CNTNAP5: variants seen among roughly 807,000 people sequenced by gnomAD.
CNTNAP5 encodes contactin associated protein family member 5.
CNTNAP5 carries 72 observed loss-of-function variants against 150.2 expected under a neutral mutation model. That is an observed-to-expected ratio of 0.48 (90% CI 0.40 to 0.58). CNTNAP5 has a LOEUF of 0.58. CNTNAP5 is among the 20% of genes least tolerant of loss of function. CNTNAP5 has a pLI of 0.00. For synonymous variants in CNTNAP5, 672 were observed against 619.8 expected, an observed-to-expected ratio of 1.08 and a Z score of -1.25; for missense variants, 1,636 against 1,626.2, an observed-to-expected ratio of 1.01 and a Z score of -0.10.
intron 10 of CNTNAP5, among the ~76,000 whole-genome samples, chr2:124,556,659 G>T (rs1232005344): frequency 6.6e-6 from 1 of 152,060 alleles, no homozygotes; most frequent in Non-Finnish European, 1.5e-5. Context: ...ATCGGGGTGG[G>T]GTGATAAGTG....
At chr2:124,652,649 A>C (rs373494459) in intron 13 of CNTNAP5, among the ~76,000 whole-genome samples, 19 of 152,320 alleles carry the variant, frequency 1.2e-4, no homozygotes, top group East Asian at 3.9e-4. Context: ...GGGGTATAGC[A>C]AGTGACCGCA....
chr2:124,434,433 G>A, intron 4 of CNTNAP5, 51 bp from the exon 5 acceptor site: 1 of 1,338,000 alleles, frequency 7.5e-7, no homozygotes, highest in Non-Finnish European at 1.1e-6. Flanking sequence ...AGTAACAGCA[G>A]TCATGAGAAT....
rs557699625 is a variant in CNTNAP5 at position 124,206,187 on chromosome 2, T to A, written c.83-15518T>A. On this transcript the variant is annotated intron_variant, in intron 1 of 23. Transcript: ENST00000682447. ...GGGCCTTGGGCAGAGCTAGTGCCAA[T>A]CCCAGCACTGTGACCTTGAGCAAGT... 8.5e-5 allele frequency among the ~76,000 whole-genome samples: 13 copies of A among 152,178 alleles called. No individual in the cohort carries two copies. The South Asian group carries it at 1.9e-3, about 22-fold the overall frequency.
At chr2:124,647,613 A>G in intron 12 of CNTNAP5, 145 bp from the exon 13 acceptor site, 1 of 658,964 alleles carries the variant, frequency 1.5e-6, no homozygotes, top group Non-Finnish European at 2.4e-6. Context: ...CTCCATGGGG[A>G]AACACAATTT....
At position 124,057,597 on chromosome 2, in the gene CNTNAP5, C is replaced by A. The variant is rs147496625; in HGVS notation, c.82+31865C>A. 2.4e-3 allele frequency among the ~76,000 whole-genome samples: 368 copies of A among 151,702 alleles called. 1 individual carries two copies. Among genetic ancestry groups the A allele is most frequent in the African/African-American group, 8.3e-3 (345 of 41,348 alleles). On this transcript the variant is annotated intron_variant, in intron 1 of 23. Transcript: ENST00000682447. Reference sequence around the variant, plus strand: ...GAGCCACCGCTCCTGGCCAACAAGTCCATTCTTAATTCATAGATATATTAC... The same window carrying A: ...GAGCCACCGCTCCTGGCCAACAAGTACATTCTTAATTCATAGATATATTAC...
intron 1 of CNTNAP5, among the ~76,000 whole-genome samples, chr2:124,083,156 T>A (rs1226958315): frequency 6.6e-6 from 1 of 152,186 alleles, no homozygotes; most frequent in Admixed American, 6.5e-5. Context: ...AAGACCAGTC[T>A]GACCAACATG....
chr2:124,527,911 G>T (rs1426018400), intron 10 of CNTNAP5, among the ~76,000 whole-genome samples: 1 of 152,118 alleles, frequency 6.6e-6, no homozygotes, highest in Non-Finnish European at 1.5e-5. Context: ...CTACTCCTGG[G>T]TTTGGCTGGT....
At chr2:124,729,806 T>A (rs1022294015) in intron 13 of CNTNAP5, among the ~76,000 whole-genome samples, 2 of 152,160 alleles carry the variant, frequency 1.3e-5, no homozygotes, top group Admixed American at 6.6e-5. Flanking sequence ...TCTTAGATAC[T>A]GCTTGAATTA....
At chr2:124,175,345 GAATT>G (rs1472764290) in intron 1 of CNTNAP5, among the ~76,000 whole-genome samples, 2 of 152,064 alleles carry the variant, frequency 1.3e-5, no homozygotes, top group African/African-American at 4.8e-5. Flanking sequence ...AAGTTTGATT[GAATT>G]AATTAATTTA....
At chr2:124,317,214 G>C (rs1442133158) in intron 3 of CNTNAP5, among the ~76,000 whole-genome samples, 3 of 152,098 alleles carry the variant, frequency 2.0e-5, no homozygotes, top group Non-Finnish European at 4.4e-5. Flanking sequence ...GGTCAGATTT[G>C]ACAACCCAAT....
At chr2:124,327,423 C>T (rs1689246932) in intron 3 of CNTNAP5, among the ~76,000 whole-genome samples, 2 of 152,162 alleles carry the variant, frequency 1.3e-5, no homozygotes, top group Admixed American at 1.3e-4. Context: ...ATTCCAAGGT[C>T]AACCTGAAAA....
intron 3 of CNTNAP5, among the ~76,000 whole-genome samples, chr2:124,370,626 C>T (rs72964701): frequency 1.4e-4 from 21 of 152,082 alleles, no homozygotes; most frequent in Non-Finnish European, 2.5e-4. Context: ...ATAATGAATA[C>T]GAAGTACAAA....
intron 3 of CNTNAP5, among the ~76,000 whole-genome samples, chr2:124,379,119 G>T: frequency 6.6e-6 from 1 of 151,240 alleles, no homozygotes; most frequent in East Asian, 1.9e-4. Context: ...CCAGACTGAG[G>T]TACCTTTTTT....
At chr2:124,420,695 C>A (rs1185478327) in intron 4 of CNTNAP5, among the ~76,000 whole-genome samples, 1 of 152,042 alleles carries the variant, frequency 6.6e-6, no homozygotes, top group Non-Finnish European at 1.5e-5. Context: ...CAGAAATTTC[C>A]CTGAGAGAGA....
In CNTNAP5 at chr2:124,025,640, A is replaced by C; in HGVS notation, c.-11A>C. The stretch of plus-strand genomic sequence containing the variant: ...GGGATTCGATTGGGAGGGACCGCTC[A>C]CTCGGGGGAAATGGATTCTTTACCA... On this transcript the variant is annotated 5_prime_UTR_variant, in exon 1 of 24. Transcript: ENST00000682447. The C allele has an allele frequency of 6.2e-7, 1 of 1,613,580 alleles. No individual in the cohort carries two copies. The highest frequency in any genetic ancestry group is 8.5e-7 in the Non-Finnish European group (1 of 1,179,714).
rs186835587 is a variant in CNTNAP5 at position 124,203,534 on chromosome 2, G to T, written c.83-18171G>T. ...TTCCTTCCTCACTTCCCTAGCAGAAGTTCTCCATGAGGGTTCTGCCCCTGC... is the reference window on the plus strand; with the variant it reads ...TTCCTTCCTCACTTCCCTAGCAGAATTTCTCCATGAGGGTTCTGCCCCTGC... On this transcript the variant is annotated intron_variant, in intron 1 of 23. Coordinates refer to ENST00000682447, the MANE Select transcript of CNTNAP5 (RefSeq NM_001367498.1). Among the ~76,000 whole-genome samples, 28 of 152,286 alleles carry T rather than the reference G, an allele frequency of 1.8e-4. No individual in the cohort carries two copies. The East Asian group carries it at 2.3e-3, about 13-fold the overall frequency.
chr2:124,426,884 G>A (rs1249676348), intron 4 of CNTNAP5, among the ~76,000 whole-genome samples: 1 of 152,150 alleles, frequency 6.6e-6, no homozygotes, highest in East Asian at 1.9e-4. Context: ...ATGGGGGAGC[G>A]CATGCTGGCT....
intron 1 of CNTNAP5, among the ~76,000 whole-genome samples, chr2:124,035,011 CCCCT>C (rs1168742301): frequency 4.3e-5 from 3 of 70,254 alleles, no homozygotes; most frequent in African/African-American, 1.4e-4. Flanking sequence ...CCCCTCCCCT[CCCCT>C]CCCTCCCTTC....
intron 12 of CNTNAP5, among the ~76,000 whole-genome samples, chr2:124,631,236 A>G (rs1677851189): frequency 6.6e-6 from 1 of 152,110 alleles, no homozygotes; most frequent in Non-Finnish European, 1.5e-5. Context: ...TTAAATTCAT[A>G]TGGAACCAAA....
Sources: gnomAD v4.1 joint callset for allele counts (sites outside exome capture counted in the v4.1 genomes callset) on GRCh38, gnomAD v4.1.1 for gene constraint, MANE v1.5 for transcripts, NCBI Gene and HGNC (gene_info 2026-07-23, HGNC 2026-07-21) for gene names.